GRM5: variants seen among roughly 807,000 people sequenced by gnomAD.
The protein encoded by GRM5 is metabotropic glutamate receptor 5.
Under a neutral mutation model 83.1 loss-of-function variants are expected in GRM5, and 19 were observed. That is an observed-to-expected ratio of 0.23 (90% CI 0.16 to 0.34). The LOEUF (loss-of-function observed/expected upper bound fraction) is 0.34. Ranked by LOEUF, GRM5 falls within the 10% of genes least tolerant of loss-of-function variation. The probability of loss-of-function intolerance (pLI) is 1.00; values close to 1 mark genes in which losing one functional copy is unlikely to be tolerated. For missense variants in GRM5, 1,160 were observed against 1,588.3 expected (o/e 0.73, Z 4.58); for synonymous variants, 675 against 633.6 (o/e 1.07, Z -0.98).
At chr11:88,877,508 A>T (rs987239277) in intron 2 of GRM5, among the ~76,000 whole-genome samples, 6 of 152,052 alleles carry the variant, frequency 3.9e-5, no homozygotes, top group African/African-American at 1.4e-4. Context: ...AAGGCAGTTT[A>T]TCATTAAGAA....
At chr11:88,610,069 T>C (rs530463088) in intron 4 of GRM5, among the ~76,000 whole-genome samples, 3 of 152,336 alleles carry the variant, frequency 2.0e-5, no homozygotes, top group African/African-American at 4.8e-5. Context: ...TTCTGGGTTC[T>C]ATATTCTGTT....
chr11:88,720,474 C>A (rs979715935), intron 3 of GRM5, among the ~76,000 whole-genome samples: 1 of 152,002 alleles, frequency 6.6e-6, no homozygotes, highest in Non-Finnish European at 1.5e-5. Flanking sequence ...GCGAGCCAGC[C>A]TTTTACCTTA....
At chr11:88,597,031 T>A (rs1937828393) in intron 6 of GRM5, among the ~76,000 whole-genome samples, 153 bp downstream of exon 6, 1 of 152,070 alleles carries the variant, frequency 6.6e-6, no homozygotes, top group South Asian at 2.1e-4. Flanking sequence ...GAGTTGCACA[T>A]GGGATTTCAC....
At chr11:88,568,079 C>G in intron 7 of GRM5, 87 bp from the exon 8 acceptor site, 1 of 778,062 alleles carries the variant, frequency 1.3e-6, no homozygotes, top group South Asian at 1.8e-5. Flanking sequence ...CTGTTTATGA[C>G]CATTTCAGTT....
intron 7 of GRM5, among the ~76,000 whole-genome samples, chr11:88,581,127 T>G (rs1943206750): frequency 1.3e-5 from 2 of 151,920 alleles, no homozygotes; most frequent in Non-Finnish European, 2.9e-5. Context: ...AATAAATAAA[T>G]TTAAATAAAT....
At chr11:88,771,342 T>G in intron 3 of GRM5, among the ~76,000 whole-genome samples, 1 of 152,002 alleles carries the variant, frequency 6.6e-6, no homozygotes, top group East Asian at 1.9e-4. Flanking sequence ...AGGGGCTCAG[T>G]CTAAGTCCAA....
intron 8 of GRM5, among the ~76,000 whole-genome samples, chr11:88,550,320 C>G (rs1250449223): frequency 6.6e-6 from 1 of 152,194 alleles, no homozygotes; most frequent in Non-Finnish European, 1.5e-5. Flanking sequence ...TGAAATTGAA[C>G]TGTACCTGAC....
In GRM5 at chr11:88,506,287, A is replaced by G. The variant is rs1000313961; in HGVS notation, c.*2305T>C. Reference sequence around the variant, plus strand: ...GAACAAAGTTTAAACATGTTCTTCAACTGGTCTAGAGTGAAACGTATTGTA... The same window carrying G: ...GAACAAAGTTTAAACATGTTCTTCAGCTGGTCTAGAGTGAAACGTATTGTA... On this transcript the variant is annotated 3_prime_UTR_variant, in exon 10 of 10. Transcript: ENST00000305447. The G allele has an allele frequency of 6.6e-6, 1 of 152,184 alleles. No individual in the cohort carries two copies. The highest frequency in any genetic ancestry group is 2.4e-5 in the African/African-American group (1 of 41,446). 9.4% of individuals were successfully genotyped at this position (152,184 alleles called of 1,614,324 possible). A position where few individuals can be genotyped will look rare whatever the true frequency, so the allele number is the denominator to read the frequency against.
chr11:88,570,568 T>C (rs1362519852), intron 7 of GRM5, among the ~76,000 whole-genome samples: 1 of 81,840 alleles, frequency 1.2e-5, no homozygotes, highest in African/African-American at 8.1e-5. Flanking sequence ...TATATATATA[T>C]ATATTTTTTT....
At chr11:88,962,222 A>G (rs935174976) in intron 2 of GRM5, among the ~76,000 whole-genome samples, 6 of 152,034 alleles carry the variant, frequency 3.9e-5, no homozygotes, top group Non-Finnish European at 7.4e-5. Context: ...TCACCAATAC[A>G]CTTATGCATC....
rs370918847 is a variant in GRM5, at chr11:88,585,041, A to T, written c.1690+5560T>A. ...CCCTGAAGCAGGTCATAAGACCCTC[A>T]TGTGAGAGGTGCCCTTCTTAGACCT... On this transcript the variant is annotated intron_variant, in intron 7 of 9. Coordinates refer to ENST00000305447, the MANE Select transcript of GRM5 (RefSeq NM_001143831.3). Among the ~76,000 whole-genome samples, 51 of 152,310 alleles carry T rather than the reference A, an allele frequency of 3.3e-4. 1 individual carries two copies. Among genetic ancestry groups the T allele is most frequent in the East Asian group, 2.7e-3 (14 of 5,172 alleles).
chr11:88,675,844 G>A (rs1207701600), intron 3 of GRM5, among the ~76,000 whole-genome samples: 2 of 151,986 alleles, frequency 1.3e-5, no homozygotes, highest in African/African-American at 2.4e-5. Context: ...AGCAAGAATT[G>A]GGAGTCCAAT....
intron 4 of GRM5, among the ~76,000 whole-genome samples, chr11:88,623,387 C>G (rs972782126): frequency 1.3e-5 from 2 of 152,144 alleles, no homozygotes; most frequent in African/African-American, 4.8e-5. Flanking sequence ...GCCTCAGCCT[C>G]CCAAAGTGCT....
intron 3 of GRM5, among the ~76,000 whole-genome samples, chr11:88,666,366 G>A (rs1940043663): frequency 6.6e-6 from 1 of 152,112 alleles, no homozygotes; most frequent in South Asian, 2.1e-4. Flanking sequence ...AAAAGGAAGT[G>A]GACACATGCA....
At chr11:88,827,231 C>T (rs1389956350) in intron 3 of GRM5, among the ~76,000 whole-genome samples, 1 of 152,144 alleles carries the variant, frequency 6.6e-6, no homozygotes, top group African/African-American at 2.4e-5. Flanking sequence ...TTCACCTCTC[C>T]TGTAATTGCA....
chr11:89,023,690 A>G (rs1941048107), intron 2 of GRM5, among the ~76,000 whole-genome samples: 1 of 151,518 alleles, frequency 6.6e-6, no homozygotes, highest in Admixed American at 6.6e-5. Context: ...CTAAAAATAA[A>G]TTAAAAAAAA....
chr11:88,942,920 AC>A (rs1938161330), intron 2 of GRM5, among the ~76,000 whole-genome samples: 1 of 152,066 alleles, frequency 6.6e-6, no homozygotes, highest in Non-Finnish European at 1.5e-5. Flanking sequence ...AGAATGCCAG[AC>A]CAAAAGTTTT....
At chr11:88,929,936 A>G (rs1156929240) in intron 2 of GRM5, among the ~76,000 whole-genome samples, 2 of 152,142 alleles carry the variant, frequency 1.3e-5, no homozygotes, top group Non-Finnish European at 2.9e-5. Context: ...GCTTTAAAGT[A>G]AGATTATTGG....
chr11:88,794,271 A>G (rs11021339), intron 3 of GRM5, among the ~76,000 whole-genome samples: 3,827 of 152,152 alleles, frequency 0.025, 170 homozygotes, highest in African/African-American at 0.088. Flanking sequence ...ATGTTACCCC[A>G]TGTTCAAGCC....
Sources: gnomAD v4.1 joint callset for allele counts (sites outside exome capture counted in the v4.1 genomes callset) on GRCh38, gnomAD v4.1.1 for gene constraint, MANE v1.5 for transcripts, NCBI Gene and HGNC (gene_info 2026-07-23, HGNC 2026-07-21) for gene names.